SGMS2: variants seen among roughly 807,000 people sequenced by gnomAD.
The protein encoded by SGMS2 is sphingomyelin synthase 2.
SGMS2 carries 21 observed loss-of-function variants against 43.8 expected under a neutral mutation model. That is an observed-to-expected ratio of 0.48 (90% CI 0.34 to 0.69). The LOEUF is 0.69. Among genes scored for constraint, SGMS2 ranks in the 30% least tolerant of loss-of-function variants. The pLI is 0.01. For synonymous variants in SGMS2, 167 were observed against 160.6 expected (o/e 1.04, Z -0.30); for missense variants, 384 against 443.2 (o/e 0.87, Z 1.20).
intron 1 of SGMS2, among the ~76,000 whole-genome samples, chr4:107,845,034 G>A (rs949471519): frequency 1.3e-5 from 2 of 152,118 alleles, no homozygotes; most frequent in Non-Finnish European, 2.9e-5. Flanking sequence ...TCAAGTCAGG[G>A]GCAAGCCAGA....
rs964361190 is a variant in SGMS2, at chr4:107,911,593, C to T, written c.*1040C>T. The T allele has an allele frequency of 3.3e-5, 5 of 152,180 alleles. No homozygotes were observed. The highest frequency in any genetic ancestry group is 7.3e-5 in the Non-Finnish European group (5 of 68,042). The allele number at this position is 152,180 out of a possible 1,614,324, so 9.4% of individuals were successfully genotyped here. On this transcript the variant is annotated 3_prime_UTR_variant, in exon 7 of 7. Coordinates refer to ENST00000690982, the MANE Select transcript of SGMS2 (RefSeq NM_001375905.1). Reference sequence around the variant, plus strand: ...CTTTATGGAAAAACCAAGATGGAACCTGAAAGTTAATGTATCCTTGCTTTT... The same window carrying T: ...CTTTATGGAAAAACCAAGATGGAACTTGAAAGTTAATGTATCCTTGCTTTT...
rs1331908484 is a variant in SGMS2 at position 107,911,688 on chromosome 4, C to T, written c.*1135C>T. The T allele has an allele frequency of 1.3e-5, 2 of 152,036 alleles. No homozygotes were observed. The highest frequency in any genetic ancestry group is 2.9e-5 in the Non-Finnish European group (2 of 68,006). The allele number at this position is 152,036 out of a possible 1,614,324, so 9.4% of individuals were successfully genotyped here. A position where few individuals can be genotyped will look rare whatever the true frequency, so the allele number is the denominator to read the frequency against. ...CGCAATTGAGTAATTTTACTTTTAC[C>T]CTATGAAAATAACATGGTGCTGCAC... On this transcript the variant is annotated 3_prime_UTR_variant, in exon 7 of 7. Transcript: ENST00000690982.
intron 1 of SGMS2, among the ~76,000 whole-genome samples, chr4:107,847,488 C>T (rs1726898434): frequency 6.6e-6 from 1 of 151,632 alleles, no homozygotes; most frequent in South Asian, 2.1e-4. Context: ...TGTTTTGGTA[C>T]CAGTACCATG....
intron 2 of SGMS2, among the ~76,000 whole-genome samples, chr4:107,892,301 G>A (rs923692461): frequency 1.4e-4 from 21 of 151,544 alleles, no homozygotes; most frequent in Admixed American, 1.2e-3. Context: ...CAGAATTGGG[G>A]AGATCAGGGA....
chr4:107,874,038 G>A (rs759120092), intron 2 of SGMS2: 12 of 151,962 alleles, frequency 7.9e-5, no homozygotes, highest in African/African-American at 1.7e-4. Context: ...ATCACCTTCC[G>A]AAGGGACAGC....
intron 2 of SGMS2, among the ~76,000 whole-genome samples, chr4:107,877,548 C>A (rs1176524222): frequency 6.6e-6 from 1 of 152,172 alleles, no homozygotes; most frequent in Non-Finnish European, 1.5e-5. Context: ...TAAACAACTG[C>A]TGGCTGCTTT....
intron 2 of SGMS2, chr4:107,886,849 C>T (rs1380803863): frequency 6.6e-6 from 1 of 152,150 alleles, no homozygotes; most frequent in Non-Finnish European, 1.5e-5. Context: ...AAAACAGATT[C>T]TTATTGCACT....
At chr4:107,835,715 G>A (rs1726131790) in intron 1 of SGMS2, among the ~76,000 whole-genome samples, 1 of 152,174 alleles carries the variant, frequency 6.6e-6, no homozygotes, top group African/African-American at 2.4e-5. Flanking sequence ...AAGTAAGAAA[G>A]CTTCACTAGT....
At chr4:107,906,179 A>G (rs2126152484) in intron 5 of SGMS2, among the ~76,000 whole-genome samples, 1 of 152,276 alleles carries the variant, frequency 6.6e-6, no homozygotes, top group Middle Eastern at 3.4e-3. Context: ...CTAGAATTAG[A>G]TGTATCATTT....
intron 2 of SGMS2, among the ~76,000 whole-genome samples, chr4:107,871,139 A>G (rs1365518723): frequency 6.6e-6 from 1 of 152,190 alleles, no homozygotes; most frequent in Non-Finnish European, 1.5e-5. Flanking sequence ...ACCAAATAGG[A>G]TAAGTACTTG....
chr4:107,843,042 A>G (rs995434000), intron 1 of SGMS2, among the ~76,000 whole-genome samples: 54 of 152,124 alleles, frequency 3.5e-4, no homozygotes, highest in African/African-American at 1.3e-3. Flanking sequence ...CTACTTTGAG[A>G]TGGCCCTATT....
At position 107,895,433 on chromosome 4, in the gene SGMS2, GAAA is replaced by G; in HGVS notation, c.-120_-118del. 9.7e-7 allele frequency: 1 copy of G among 1,031,330 alleles called. No homozygotes were observed. The highest frequency in any genetic ancestry group is 1.4e-6 in the Non-Finnish European group (1 of 699,330). The allele number at this position is 1,031,330 out of a possible 1,614,324, so 63.9% of individuals were successfully genotyped here. A position where few individuals can be genotyped will look rare whatever the true frequency, so the allele number is the denominator to read the frequency against. On this transcript the variant is annotated 5_prime_UTR_variant, in exon 3 of 7. Transcript: ENST00000690982. ...GGCTACCTTCTACATTTTGTATTAG[GAAA>G]CAAAGTCCATTGTAAGAGTCCATGT...
In SGMS2 at chr4:107,903,173, G is replaced by C. The variant is rs9998675; in HGVS notation, c.574-60G>C. ...GTCCTTTCTAAGAGTCACACAATTAGACTGAAACATGATTTTAGCCACTTG... is the reference window on the plus strand; with the variant it reads ...GTCCTTTCTAAGAGTCACACAATTACACTGAAACATGATTTTAGCCACTTG... On this transcript the variant is annotated intron_variant, in intron 4 of 6. Coordinates refer to ENST00000690982, the MANE Select transcript of SGMS2 (RefSeq NM_001375905.1). The C allele has an allele frequency of 0.041, 63,030 of 1,526,056 alleles. 1,640 individuals are homozygous for C. Among genetic ancestry groups the C allele is most frequent in the African/African-American group, 0.12 (8,977 of 73,036 alleles). 94.5% of individuals were successfully genotyped at this position (1,526,056 alleles called of 1,614,324 possible). A position where few individuals can be genotyped will look rare whatever the true frequency, so the allele number is the denominator to read the frequency against.
intron 4 of SGMS2, among the ~76,000 whole-genome samples, chr4:107,902,098 T>TA (rs1424155809): frequency 1.3e-5 from 2 of 151,460 alleles, no homozygotes; most frequent in Non-Finnish European, 2.9e-5. Context: ...TTTTTTTTTT[T>TA]AGTAGAGACA....
chr4:107,846,020 G>A (rs368245430), intron 1 of SGMS2, among the ~76,000 whole-genome samples: 16 of 152,022 alleles, frequency 1.1e-4, no homozygotes, highest in African/African-American at 2.7e-4. Context: ...AAGTGCTTTC[G>A]AATTGTAAGG....
In SGMS2 at chr4:107,864,644, A is replaced by G. The variant is rs940646823; in HGVS notation, c.-245+6091A>G. ...TTGACAAATAAAAATTGTATATATT[A>G]AGGTGTATAACATGATATAATGATT... On this transcript the variant is annotated intron_variant, in intron 2 of 6. Transcript: ENST00000690982. Among the ~76,000 whole-genome samples the G allele has an allele frequency of 5.3e-5, 8 of 152,232 alleles. 1 individual carries two copies. In the South Asian group the frequency reaches 1.4e-3, roughly 28 times the overall value.
chr4:107,908,717 A>G lies in SGMS2; in HGVS notation c.880A>G (p.Met294Val). 13 of 1,613,478 alleles carry G rather than the reference A, an allele frequency of 8.1e-6. No individual in the cohort carries two copies. The highest frequency in any genetic ancestry group is 1.1e-5 in the Non-Finnish European group (13 of 1,179,730). Reference sequence around the variant, plus strand: ...ACGACTGTTTTGGTGGTACCATTCAATGGCCAATGAAAAGGTGAGAGCAGT... The same window carrying G: ...ACGACTGTTTTGGTGGTACCATTCAGTGGCCAATGAAAAGGTGAGAGCAGT... ...TTRLFWWYHS[M>V]ANEKNLKVSS... The change falls in exon 6 of 7, where the codon ATG (methionine) becomes GTG (valine). Residue 294 changes from methionine to valine, a missense_variant. Met to Val is a conservative substitution (Grantham distance 21). Coordinates refer to ENST00000690982, the MANE Select transcript of SGMS2 (RefSeq NM_001375905.1).
At chr4:107,899,981 A>G (rs1730985118) in intron 4 of SGMS2, among the ~76,000 whole-genome samples, 2 of 152,132 alleles carry the variant, frequency 1.3e-5, no homozygotes, top group Non-Finnish European at 2.9e-5. Flanking sequence ...TTCTACAGGC[A>G]TTAAGCTTAT....
chr4:107,873,877 C>T (rs1450174469), intron 2 of SGMS2: 1 of 152,112 alleles, frequency 6.6e-6, no homozygotes, highest in Admixed American at 6.6e-5. Flanking sequence ...CAGAACATGT[C>T]TTACTTTGGG....
Sources: gnomAD v4.1 joint callset for allele counts (sites outside exome capture counted in the v4.1 genomes callset) on GRCh38, gnomAD v4.1.1 for gene constraint, MANE v1.5 for transcripts, NCBI Gene and HGNC (gene_info 2026-07-23, HGNC 2026-07-21) for gene names.